The following SORCS3 variants were observed in gnomAD, a reference collection of about 807,000 sequenced individuals.
SORCS3 encodes sortilin related VPS10 domain containing receptor 3, also known as VPS10 domain-containing receptor SorCS3.
Under a neutral mutation model 146.3 loss-of-function variants are expected in SORCS3, and 57 were observed. The observed-to-expected ratio is 0.39, with a 90% confidence interval of 0.31 to 0.49. The LOEUF (loss-of-function observed/expected upper bound fraction) is 0.49. Among genes scored for constraint, SORCS3 ranks in the 20% least tolerant of loss-of-function variants. SORCS3 has a pLI of 0.92. For missense variants in SORCS3, 1,341 were observed against 1,575.5 expected, an observed-to-expected ratio of 0.85 and a Z score of 2.52; for synonymous variants, 653 against 618.5, an observed-to-expected ratio of 1.06 and a Z score of -0.83.
At chr10:105,081,668 C>T (rs2055627296) in intron 5 of SORCS3, among the ~76,000 whole-genome samples, 1 of 152,132 alleles carries the variant, frequency 6.6e-6, no homozygotes, top group African/African-American at 2.4e-5. Flanking sequence ...TTAGTAGCAC[C>T]TGTGAGTCTG....
At chr10:105,155,360 T>C (rs2056199832) in intron 9 of SORCS3, among the ~76,000 whole-genome samples, 1 of 152,130 alleles carries the variant, frequency 6.6e-6, no homozygotes, top group African/African-American at 2.4e-5. Flanking sequence ...CTGAGTCTGA[T>C]CCAAATATTT....
chr10:104,967,177 AT>A (rs1217275873), intron 3 of SORCS3, among the ~76,000 whole-genome samples: 4 of 152,064 alleles, frequency 2.6e-5, no homozygotes, highest in African/African-American at 7.2e-5. Flanking sequence ...CAAAGCAGCA[AT>A]TGTGTTTAGC....
At chr10:105,259,826 T>C (rs974044115) in intron 25 of SORCS3, among the ~76,000 whole-genome samples, 1 of 152,292 alleles carries the variant, frequency 6.6e-6, no homozygotes, top group African/African-American at 2.4e-5. Context: ...GATAAATAGA[T>C]ACAAACTGCA....
At chr10:104,899,040 T>C (rs184553871) in intron 2 of SORCS3, among the ~76,000 whole-genome samples, 85 of 152,314 alleles carry the variant, frequency 5.6e-4, no homozygotes, top group Middle Eastern at 3.4e-3. Flanking sequence ...TCTCAAGATA[T>C]GCTGTGTTTT....
At chr10:104,645,308 AG>A (rs2015478306) in intron 1 of SORCS3, among the ~76,000 whole-genome samples, 1 of 152,224 alleles carries the variant, frequency 6.6e-6, no homozygotes, top group African/African-American at 2.4e-5. Flanking sequence ...CGTGGCTTAC[AG>A]GGAAACAGAA....
At chr10:104,726,610 T>G (rs2016637959) in intron 1 of SORCS3, among the ~76,000 whole-genome samples, 1 of 151,960 alleles carries the variant, frequency 6.6e-6, no homozygotes, top group Admixed American at 6.6e-5. Context: ...GGACACCTCT[T>G]TATTCCTTTT....
chr10:105,181,159 T>A (rs1299452231), intron 14 of SORCS3, among the ~76,000 whole-genome samples: 1 of 152,208 alleles, frequency 6.6e-6, no homozygotes, highest in East Asian at 1.9e-4. Context: ...ACAGTATATA[T>A]GTACTGGATA....
At chr10:104,745,922 A>G (rs1262313596) in intron 1 of SORCS3, among the ~76,000 whole-genome samples, 1 of 152,042 alleles carries the variant, frequency 6.6e-6, no homozygotes, top group Non-Finnish European at 1.5e-5. Flanking sequence ...CCTCTTTTTT[A>G]GGGCTGAATA....
At position 104,656,036 on chromosome 10, in the gene SORCS3, G is replaced by GTGC. The variant is rs527993044; in HGVS notation, c.627+14088_627+14090dup. 6.7e-3 allele frequency among the ~76,000 whole-genome samples: 1,022 copies of GTGC among 152,262 alleles called. 6 individuals carry two copies. Among genetic ancestry groups the GTGC allele is most frequent in the Non-Finnish European group, 8.1e-3 (553 of 68,036 alleles). On this transcript the variant is annotated intron_variant, in intron 1 of 26. Coordinates refer to ENST00000369701, the MANE Select transcript of SORCS3 (RefSeq NM_014978.3). ...TTGTGGAGTCCCCTCTATGTGCCAGGTGCTGCTGGATTCTGAGTCTGTAAT... is the reference window on the plus strand; with the variant it reads ...TTGTGGAGTCCCCTCTATGTGCCAGGTGCTGCTGCTGGATTCTGAGTCTGTAAT...
chr10:104,682,092 T>G (rs1809679903), intron 1 of SORCS3, among the ~76,000 whole-genome samples: 1 of 152,152 alleles, frequency 6.6e-6, no homozygotes, highest in African/African-American at 2.4e-5. Context: ...GGGGGGAGTA[T>G]TATAGAGGTG....
In SORCS3 at chr10:105,182,258, C is replaced by T. The variant is rs1263311843; in HGVS notation, c.2009+4085C>T. Among the ~76,000 whole-genome samples the T allele has an allele frequency of 6.6e-5, 4 of 60,378 alleles. No individual in the cohort carries two copies. The East Asian group carries it at 2.0e-3, about 30-fold the overall frequency. The allele number at this position is 60,378 out of a possible 152,430, so 39.6% of individuals were successfully genotyped here. ...TTTTTTTTTTTTTTTTTTTTTGTGC[C>T]AGGTATCACATTGAGCACTTTTTCA... On this transcript the variant is annotated intron_variant, in intron 14 of 26. Coordinates refer to ENST00000369701, the MANE Select transcript of SORCS3 (RefSeq NM_014978.3).
intron 23 of SORCS3, among the ~76,000 whole-genome samples, chr10:105,254,903 C>T (rs748210695): frequency 1.3e-5 from 2 of 152,136 alleles, no homozygotes; most frequent in Non-Finnish European, 2.9e-5. Context: ...AGAAGTGGAT[C>T]TGCGGCCAGG....
rs140581769 is a variant in SORCS3, at chr10:105,063,414, A to G, written c.1028+20286A>G. On this transcript the variant is annotated intron_variant, in intron 5 of 26. Transcript: ENST00000369701. ...GAATCACTGTGTAGACAAAGTGGCCACACTGTATCTGTTGTGCTGATGTTA... is the reference window on the plus strand; with the variant it reads ...GAATCACTGTGTAGACAAAGTGGCCGCACTGTATCTGTTGTGCTGATGTTA... Among the ~76,000 whole-genome samples, 698 of 152,312 alleles carry G rather than the reference A, an allele frequency of 4.6e-3. 15 individuals are homozygous for G. The highest frequency in any genetic ancestry group is 0.031 in the Admixed American group (468 of 15,300).
chr10:104,755,706 T>C (rs914571174), intron 1 of SORCS3, among the ~76,000 whole-genome samples: 2 of 152,172 alleles, frequency 1.3e-5, no homozygotes, highest in Non-Finnish European at 2.9e-5. Flanking sequence ...GGCATTGACA[T>C]TCAGGCCAGC....
Position 104,788,666 on chromosome 10 carries a change from C to G in SORCS3, c.628-54126C>G, listed in dbSNP as rs569869005. ...GTGTTTGTATTACTTTCTCAAATCA[C>G]TTAATGTTAAAAATGAATTTCAGAT... On this transcript the variant is annotated intron_variant, in intron 1 of 26. Coordinates refer to ENST00000369701, the MANE Select transcript of SORCS3 (RefSeq NM_014978.3). 2.0e-5 allele frequency among the ~76,000 whole-genome samples: 3 copies of G among 152,230 alleles called. No homozygotes were observed. The East Asian group carries it at 5.8e-4, about 29-fold the overall frequency.
chr10:104,757,336 A>C (rs1403755151), intron 1 of SORCS3, among the ~76,000 whole-genome samples: 3 of 152,174 alleles, frequency 2.0e-5, no homozygotes, highest in Non-Finnish European at 4.4e-5. Flanking sequence ...TTAAAACTAA[A>C]TAATTGCCAT....
chr10:104,835,926 G>C (rs1351596119), intron 1 of SORCS3, among the ~76,000 whole-genome samples: 1 of 152,214 alleles, frequency 6.6e-6, no homozygotes, highest in Admixed American at 6.5e-5. Context: ...CAGGGAAAGT[G>C]TACCATTACC....
intron 4 of SORCS3, among the ~76,000 whole-genome samples, chr10:105,023,663 T>C (rs1247476014): frequency 1.3e-5 from 2 of 151,972 alleles, no homozygotes; most frequent in Non-Finnish European, 2.9e-5. Context: ...GTAAGAGAAA[T>C]TGTAATTGAG....
At chr10:104,914,040 A>G (rs2133598887) in intron 2 of SORCS3, among the ~76,000 whole-genome samples, 1 of 152,198 alleles carries the variant, frequency 6.6e-6, no homozygotes, top group East Asian at 1.9e-4. Context: ...AAGTGCTGGG[A>G]TTACAGGCGT....
Sources: allele counts gnomAD v4.1 joint callset (sites outside exome capture counted in the v4.1 genomes callset), GRCh38; gene constraint gnomAD v4.1.1; transcripts MANE v1.5; gene names NCBI Gene and HGNC (gene_info 2026-07-23, HGNC 2026-07-21).